Variants in ZMIZ1 observed in about 807,000 individuals in gnomAD.
The protein encoded by ZMIZ1 is zinc finger MIZ domain-containing protein 1.
In ZMIZ1, 17 loss-of-function variants were observed where a neutral mutation model predicts 113.9. The ratio of observed to expected loss-of-function variants is 0.15; its 90% CI spans 0.10 to 0.22. ZMIZ1 has a LOEUF of 0.22. Ranked by LOEUF, ZMIZ1 falls within the 10% of genes least tolerant of loss-of-function variation. The pLI is 1.00. For synonymous variants in ZMIZ1, 607 were observed against 603.1 expected (o/e 1.01, Z -0.09); for missense variants, 1,059 against 1,477.8 (o/e 0.72, Z 4.65).
intron 7 of ZMIZ1, among the ~76,000 whole-genome samples, chr10:79,226,821 G>GT (rs1280756320): frequency 2.0e-5 from 3 of 152,196 alleles, no homozygotes; most frequent in African/African-American, 7.2e-5. Flanking sequence ...GTTATCATCA[G>GT]TTTTGCCTCT....
intron 7 of ZMIZ1, among the ~76,000 whole-genome samples, chr10:79,253,844 G>T (rs1589496281): frequency 6.6e-6 from 1 of 152,188 alleles, no homozygotes; most frequent in East Asian, 1.9e-4. Flanking sequence ...GGATGCATGG[G>T]CCTGCACACA....
At chr10:79,204,549 C>A (rs574595531) in intron 5 of ZMIZ1, among the ~76,000 whole-genome samples, 1 of 152,330 alleles carries the variant, frequency 6.6e-6, no homozygotes, top group African/African-American at 2.4e-5. Flanking sequence ...TCTGCTCTGT[C>A]TCTCTGGAGC....
chr10:79,197,643 C>CACCT (rs58533371), intron 4 of ZMIZ1, among the ~76,000 whole-genome samples: 1 of 149,192 alleles, frequency 6.7e-6, no homozygotes, highest in African/African-American at 2.5e-5. Context: ...CACACACACA[C>CACCT]CTGTACCCTG....
At position 79,208,455 on chromosome 10, in the gene ZMIZ1, T is replaced by C; in HGVS notation, c.174+6T>C. ...GCCTGATGGGCTGTTTGACGGTGAG[T>C]CTGCACCCTGTCCGCCTGCATTCCT... On this transcript the variant is annotated splice_donor_region_variant and intron_variant, in intron 6 of 24. Coordinates refer to ENST00000334512, the MANE Select transcript of ZMIZ1 (RefSeq NM_020338.4). 3 of 1,610,474 alleles carry C rather than the reference T, an allele frequency of 1.9e-6. No homozygotes were observed. The highest frequency in any genetic ancestry group is 1.1e-5 in the South Asian group (1 of 91,006).
At chr10:79,310,694 C>T (rs966043895) in intron 23 of ZMIZ1, among the ~76,000 whole-genome samples, 4 of 152,118 alleles carry the variant, frequency 2.6e-5, no homozygotes, top group African/African-American at 4.8e-5. Context: ...TGGGGCTCCA[C>T]GTGGCCCGAG....
At position 79,277,281 on chromosome 10, in the gene ZMIZ1, C is replaced by G; in HGVS notation, c.381C>G (p.Pro127=). Residue 127 remains proline, a synonymous_variant, in exon 8 of 25, where the codon CCC becomes CCG. Transcript: ENST00000334512. Reference sequence around the variant, plus strand: ...CCCCTGGGAAACTCCCCATGCAGCCCCCTCTCAGCTCCATGAGCTCCATGA... The same window carrying G: ...CCCCTGGGAAACTCCCCATGCAGCCGCCTCTCAGCTCCATGAGCTCCATGA... ...SDPPGKLPMQ[P]PLSSMSSMKP... is the part of the protein sequence containing the mutation. 1 of 1,601,762 alleles carries G rather than the reference C, an allele frequency of 6.2e-7. No individual in the cohort carries two copies. Among genetic ancestry groups the G allele is most frequent in the Admixed American group, 1.7e-5 (1 of 57,712 alleles).
chr10:79,299,708 A>G (rs189174354), intron 16 of ZMIZ1, among the ~76,000 whole-genome samples: 21 of 152,366 alleles, frequency 1.4e-4, no homozygotes, highest in African/African-American at 5.0e-4. Flanking sequence ...GCCCATGCTC[A>G]GCACCTTCCA....
At chr10:79,076,689 C>G (rs1015176026) in intron 1 of ZMIZ1, among the ~76,000 whole-genome samples, 29 of 152,060 alleles carry the variant, frequency 1.9e-4, no homozygotes, top group Non-Finnish European at 4.4e-5. Context: ...CAAAAATTAT[C>G]TCGGCATGAT....
intron 4 of ZMIZ1, among the ~76,000 whole-genome samples, chr10:79,192,404 G>A (rs191897117): frequency 3.3e-5 from 5 of 152,370 alleles, no homozygotes; most frequent in East Asian, 1.9e-4. Context: ...GTTACATTAT[G>A]TTATCCCACT....
chr10:79,314,636 G>A lies in ZMIZ1; in HGVS notation c.*1887G>A, dbSNP rs181736734. The A allele has an allele frequency of 2.3e-3, 444 of 193,504 alleles. 2 individuals are homozygous for A. The highest frequency in any genetic ancestry group is 0.021 in the Middle Eastern group (9 of 438). The allele number at this position is 193,504 out of a possible 1,614,324, so 12.0% of individuals were successfully genotyped here. A position where few individuals can be genotyped will look rare whatever the true frequency, so the allele number is the denominator to read the frequency against. The stretch of plus-strand genomic sequence containing the variant: ...TCATGACCTGGTTATAGCCTTTGCT[G>A]GTGTTTTTAAAATACCTGGACTCAA... On this transcript the variant is annotated 3_prime_UTR_variant, in exon 25 of 25. Transcript: ENST00000334512.
At chr10:79,196,559 A>G (rs1007761885) in intron 4 of ZMIZ1, among the ~76,000 whole-genome samples, 1 of 152,224 alleles carries the variant, frequency 6.6e-6, no homozygotes, top group Admixed American at 6.5e-5. Flanking sequence ...GCCTCCAGAC[A>G]AGACTGCCCG....
At chr10:79,284,889 T>C (rs1019571625) in intron 8 of ZMIZ1, among the ~76,000 whole-genome samples, 3 of 152,122 alleles carry the variant, frequency 2.0e-5, no homozygotes, top group Non-Finnish European at 2.9e-5. Context: ...GACGATTTAG[T>C]GTATAAAGAA....
At chr10:79,145,412 G>A (rs1165580619) in intron 3 of ZMIZ1, among the ~76,000 whole-genome samples, 1 of 152,226 alleles carries the variant, frequency 6.6e-6, no homozygotes, top group African/African-American at 2.4e-5. Context: ...TGAGTTGTTG[G>A]GGTGGGGGAT....
rs56903717 is a variant in ZMIZ1, at chr10:79,240,638, C to CTTTTTTTTTTTTTTTTTT, written c.280+24374_280+24391dup. ...CGTAAATCTAGTGAAGAGTATTTAT[C>CTTTTTTTTTTTTTTTTTT]TTTTTTTTTTTTTTTTTTTTTTTTT... On this transcript the variant is annotated intron_variant, in intron 7 of 24. Coordinates refer to ENST00000334512, the MANE Select transcript of ZMIZ1 (RefSeq NM_020338.4). 1.4e-3 allele frequency among the ~76,000 whole-genome samples: 78 copies of CTTTTTTTTTTTTTTTTTT among 55,322 alleles called. 11 individuals carry two copies. Among genetic ancestry groups the CTTTTTTTTTTTTTTTTTT allele is most frequent in the East Asian group, 8.7e-3 (9 of 1,032 alleles). The allele number at this position is 55,322 out of a possible 152,430, so 36.3% of individuals were successfully genotyped here.
intron 1 of ZMIZ1, among the ~76,000 whole-genome samples, chr10:79,093,301 ATTT>A (rs1843054086): frequency 3.0e-5 from 2 of 67,270 alleles, no homozygotes; most frequent in South Asian, 8.4e-4. Flanking sequence ...TTATTTATTT[ATTT>A]ATTTATTTAT....
At chr10:79,299,285 T>G (rs544602873) in intron 16 of ZMIZ1, 94 bp downstream of exon 16, 3 of 1,487,786 alleles carry the variant, frequency 2.0e-6, no homozygotes, top group Non-Finnish European at 2.7e-6. Context: ...GGGCAGGGGG[T>G]AGCAGCATCT....
At chr10:79,267,891 CCT>C (rs771580129) in intron 7 of ZMIZ1, among the ~76,000 whole-genome samples, 15 of 152,286 alleles carry the variant, frequency 9.8e-5, no homozygotes, top group Non-Finnish European at 1.8e-4. Flanking sequence ...GACTCAAACC[CCT>C]GTGTCTGCTG....
rs539942005 is a variant in ZMIZ1 at position 79,109,695 on chromosome 10, A to C, written c.-336-9220A>C. Among the ~76,000 whole-genome samples the C allele has an allele frequency of 2.0e-4, 31 of 152,346 alleles. No individual in the cohort carries two copies. In the South Asian group the frequency reaches 6.4e-3, roughly 32 times the overall value. On this transcript the variant is annotated intron_variant, in intron 1 of 24. Transcript: ENST00000334512. The stretch of plus-strand genomic sequence containing the variant: ...CAGCCCCGGGTCGTGGGAGAAGCCC[A>C]GTCAAGAGTCAGGCAGCCAGGTGCA...
chr10:79,116,639 G>C (rs73298170), intron 1 of ZMIZ1, among the ~76,000 whole-genome samples: 10,225 of 152,212 alleles, frequency 0.067, 1,122 homozygotes, highest in African/African-American at 0.23. Context: ...ACCTGATTCA[G>C]TTGGGTGGAA....
Sources: gnomAD v4.1 joint callset for allele counts (sites outside exome capture counted in the v4.1 genomes callset) on GRCh38, gnomAD v4.1.1 for gene constraint, MANE v1.5 for transcripts, NCBI Gene and HGNC (gene_info 2026-07-23, HGNC 2026-07-21) for gene names.